WDR37: variants seen among roughly 807,000 people sequenced by gnomAD.
The protein encoded by WDR37 is WD repeat-containing protein 37.
Under a neutral mutation model 62.9 loss-of-function variants are expected in WDR37, and 19 were observed. That is an observed-to-expected ratio of 0.30 (90% CI 0.21 to 0.44). WDR37 has a LOEUF of 0.44. WDR37 is among the 20% of genes least tolerant of loss of function. The pLI is 1.00. For synonymous variants in WDR37, 250 were observed against 260.9 expected (o/e 0.96, Z 0.40); for missense variants, 474 against 657.6 (o/e 0.72, Z 3.05).
At position 1,090,454 on chromosome 10, in the gene WDR37, C is replaced by T. The variant is rs188811154; in HGVS notation, c.605-2998C>T. On this transcript the variant is annotated intron_variant, in intron 7 of 13. Transcript: ENST00000263150. ...GATTATAGGTGTGAGCCACCGTGCC[C>T]GGCCTGGAGATGTTTTGATCTCTTA... Among the ~76,000 whole-genome samples the T allele has an allele frequency of 3.5e-3, 526 of 152,292 alleles. 3 individuals are homozygous for T. The highest frequency in any genetic ancestry group is 3.9e-3 in the Non-Finnish European group (268 of 68,016).
Position 1,072,162 on chromosome 10 carries a change from A to G in WDR37, c.7A>G (p.Thr3Ala). The change falls in exon 2 of 14, where the codon ACA becomes GCA. Residue 3 changes from threonine (T) to alanine (A), a missense_variant. By Grantham distance (58) the Thr-to-Ala change is moderately conservative. Coordinates refer to ENST00000263150, the MANE Select transcript of WDR37 (RefSeq NM_014023.4). Reference protein sequence around the residue: MPTESASCSTARQ... With the variant: MPAESASCSTARQ... Reference sequence around the variant, plus strand: ...ACACTACCTCCTAGAAGTAATGCCCACAGAAAGCGCAAGTTGTTCGACTGC... The same window carrying G: ...ACACTACCTCCTAGAAGTAATGCCCGCAGAAAGCGCAAGTTGTTCGACTGC... The G allele has an allele frequency of 6.2e-7, 1 of 1,614,144 alleles. No homozygotes were observed. The highest frequency in any genetic ancestry group is 1.1e-5 in the South Asian group (1 of 91,084).
At position 1,124,572 on chromosome 10, in the gene WDR37, C is replaced by T. The variant is rs560519097; in HGVS notation, c.1238+220C>T. Among the ~76,000 whole-genome samples, 7 of 151,968 alleles carry T rather than the reference C, an allele frequency of 4.6e-5. No individual in the cohort carries two copies. In the East Asian group the frequency reaches 9.7e-4, roughly 21 times the overall value. On this transcript the variant is annotated intron_variant, in intron 12 of 13. Transcript: ENST00000263150. ...GAGATTTGTGAGAATGAGAATGACC[C>T]GTTTGTGGCAGACATGCAGGGCTTC...
In WDR37 at chr10:1,103,393, G is replaced by T. The variant is rs1161069483; in HGVS notation, c.727-209G>T. On this transcript the variant is annotated intron_variant, in intron 9 of 13. Transcript: ENST00000263150. The surrounding 1 kb of genome is among the most constrained non-coding windows in gnomAD (Gnocchi z 6.3). The stretch of plus-strand genomic sequence containing the variant: ...ACTTTTTTTTCTGTACGAGATGGTC[G>T]TAGAGTTGATGGGTGTTCACGGGCA... Among the ~76,000 whole-genome samples the T allele has an allele frequency of 1.3e-5, 2 of 152,136 alleles. No homozygotes were observed. The highest frequency in any genetic ancestry group is 1.5e-5 in the Non-Finnish European group (1 of 68,026).
At chr10:1,124,815 G>A (rs1244978026) in intron 12 of WDR37, 95 bp from the exon 13 acceptor site, 3 of 1,493,458 alleles carry the variant, frequency 2.0e-6, no homozygotes, top group Admixed American at 2.0e-5. Flanking sequence ...CTTGAAATGT[G>A]AATAATATGG....
At chr10:1,126,714 C>T (rs558775062) in intron 13 of WDR37, among the ~76,000 whole-genome samples, 15 of 152,112 alleles carry the variant, frequency 9.9e-5, no homozygotes, top group African/African-American at 9.7e-5. Context: ...GCAGGCAGGC[C>T]GGGTGGTCAG....
At position 1,085,410 on chromosome 10, in the gene WDR37, T is replaced by C. The variant is rs149127059; in HGVS notation, c.532+872T>C. On this transcript the variant is annotated intron_variant, in intron 6 of 13. Transcript: ENST00000263150. ...CACTACCTGGGCACGTAGCCAGCAG[T>C]GGAGGCTGATGGCCTCCCCCAGCAG... Among the ~76,000 whole-genome samples the C allele has an allele frequency of 6.7e-4, 102 of 152,346 alleles. No homozygotes were observed. The East Asian group carries it at 0.018, about 26-fold the overall frequency.
intron 9 of WDR37, among the ~76,000 whole-genome samples, chr10:1,100,929 A>G (rs1834774660): frequency 6.6e-6 from 1 of 152,182 alleles, no homozygotes; most frequent in African/African-American, 2.4e-5. Context: ...ACTGAGCTGC[A>G]CGTGCCACCC....
intron 1 of WDR37, among the ~76,000 whole-genome samples, chr10:1,069,389 A>ATATT: frequency 4.6e-4 from 44 of 95,778 alleles, no homozygotes; most frequent in African/African-American, 2.0e-3. Flanking sequence ...ATATATATAT[A>ATATT]TTTTTTTTTT....
rs370319511 is a variant in WDR37, at chr10:1,120,455, G to A, written c.1104-3763G>A. 2.4e-4 allele frequency among the ~76,000 whole-genome samples: 37 copies of A among 152,364 alleles called. 1 individual carries two copies. In the East Asian group the frequency reaches 3.3e-3, roughly 13 times the overall value. ...AGGGCACTGTTTTAAAGTCAGGACT[G>A]TTGGCGACGCAGGTGTTGTACTTTT... On this transcript the variant is annotated intron_variant, in intron 11 of 13. Coordinates refer to ENST00000263150, the MANE Select transcript of WDR37 (RefSeq NM_014023.4).
chr10:1,063,452 A>G (rs1320871447), intron 1 of WDR37, among the ~76,000 whole-genome samples: 2 of 152,058 alleles, frequency 1.3e-5, no homozygotes, highest in Non-Finnish European at 2.9e-5. Flanking sequence ...ATCACAGGAA[A>G]CCCTGCAGCA....
At chr10:1,122,422 A>C (rs2131689407) in intron 11 of WDR37, among the ~76,000 whole-genome samples, 1 of 152,252 alleles carries the variant, frequency 6.6e-6, no homozygotes, top group South Asian at 2.1e-4. Context: ...TGTCTCTCTG[A>C]GAAGGCACTG....
intron 9 of WDR37, among the ~76,000 whole-genome samples, chr10:1,100,387 C>T (rs762007913): frequency 1.3e-5 from 2 of 152,214 alleles, no homozygotes; most frequent in Non-Finnish European, 2.9e-5. Context: ...AGGCTCCTTC[C>T]AGCACTACTG....
At position 1,121,850 on chromosome 10, in the gene WDR37, C is replaced by A. The variant is rs746439164; in HGVS notation, c.1104-2368C>A. Reference sequence around the variant, plus strand: ...TTGAGAATGCAGACGTGAAAACGGTCGCCGCCGCATCATCCTGACTGTGTT... The same window carrying A: ...TTGAGAATGCAGACGTGAAAACGGTAGCCGCCGCATCATCCTGACTGTGTT... On this transcript the variant is annotated intron_variant, in intron 11 of 13. Transcript: ENST00000263150. This position sits in a 1 kb window ranked among gnomAD's most constrained non-coding sequence, Gnocchi z 4.5. 6.6e-6 allele frequency among the ~76,000 whole-genome samples: 1 copy of A among 151,680 alleles called. No individual in the cohort carries two copies. The highest frequency in any genetic ancestry group is 1.5e-5 in the Non-Finnish European group (1 of 67,994).
rs1332169772 is a variant in WDR37, at chr10:1,074,511, A to G, written c.138+2218A>G. Reference sequence around the variant, plus strand: ...AGTGGGACCGGTCAGCATGTTCTGTAAGTGGCCCCCGTGAGGTGCTCTGCC... The same window carrying G: ...AGTGGGACCGGTCAGCATGTTCTGTGAGTGGCCCCCGTGAGGTGCTCTGCC... On this transcript the variant is annotated intron_variant, in intron 2 of 13. Coordinates refer to ENST00000263150, the MANE Select transcript of WDR37 (RefSeq NM_014023.4). The G allele has an allele frequency of 1.0e-5, 13 of 1,304,054 alleles. No homozygotes were observed. The Admixed American group carries it at 1.4e-4, about 14-fold the overall frequency. 80.8% of individuals were successfully genotyped at this position (1,304,054 alleles called of 1,614,324 possible).
At chr10:1,057,325 G>GCCC (rs1554821956) in intron 1 of WDR37, among the ~76,000 whole-genome samples, 15,196 of 151,832 alleles carry the variant, frequency 0.1, 922 homozygotes, top group African/African-American at 0.16. Flanking sequence ...GCGCTGGAGG[G>GCCC]GTTGGGGGCA....
intron 9 of WDR37, among the ~76,000 whole-genome samples, chr10:1,097,344 A>G (rs1834623842): frequency 1.3e-5 from 2 of 152,202 alleles, no homozygotes; most frequent in African/African-American, 2.4e-5. Context: ...AGATGGGATT[A>G]TACCCAGAGA....
intron 1 of WDR37, among the ~76,000 whole-genome samples, chr10:1,060,102 A>C (rs1833328423): frequency 6.6e-6 from 1 of 152,210 alleles, no homozygotes; most frequent in Non-Finnish European, 1.5e-5. Flanking sequence ...GCCTCCCAAA[A>C]GGCTGGGATT....
chr10:1,073,438 G>A (rs1202117600), intron 2 of WDR37, among the ~76,000 whole-genome samples: 3 of 152,144 alleles, frequency 2.0e-5, no homozygotes, highest in East Asian at 1.9e-4. Context: ...CTGTTGCCAC[G>A]AAGAGGATCT....
intron 2 of WDR37, among the ~76,000 whole-genome samples, chr10:1,072,690 TAA>T (rs11320940): frequency 5.3e-5 from 8 of 151,686 alleles, no homozygotes. Context: ...GTCTCCAAAG[TAA>T]AAAAAAAAGG....
Sources: allele counts gnomAD v4.1 joint callset (sites outside exome capture counted in the v4.1 genomes callset), GRCh38; gene constraint gnomAD v4.1.1; non-coding constraint Gnocchi (gnomAD v3.1); transcripts MANE v1.5; gene names NCBI Gene and HGNC (gene_info 2026-07-23, HGNC 2026-07-21).